Variants in SGCZ observed in about 807,000 individuals in gnomAD.
The protein encoded by SGCZ is zeta-sarcoglycan.
A neutral mutation model predicts 41.3 loss-of-function variants in SGCZ; 40 were observed. That is an observed-to-expected ratio of 0.97 (90% CI 0.75 to 1.26). The LOEUF is 1.26. SGCZ is among the 50% of genes most tolerant of loss of function. SGCZ has a pLI of 0.00. For missense variants in SGCZ, 552 were observed against 369.8 expected (o/e 1.49, Z -4.04); for synonymous variants, 206 against 137.5 (o/e 1.50, Z -3.49).
rs568037311 is a variant in SGCZ, at chr8:14,147,311, T to G, written c.547+17269A>C. On this transcript the variant is annotated intron_variant, in intron 5 of 7. Transcript: ENST00000382080. ...AAACAGGACCCAATGATCTATTGCCTCCAAGAAACACACTTGACCTATAAA... is the reference window on the plus strand; with the variant it reads ...AAACAGGACCCAATGATCTATTGCCGCCAAGAAACACACTTGACCTATAAA... 2.6e-5 allele frequency among the ~76,000 whole-genome samples: 4 copies of G among 152,048 alleles called. No individual in the cohort carries two copies. The East Asian group carries it at 7.8e-4, about 30-fold the overall frequency.
intron 2 of SGCZ, among the ~76,000 whole-genome samples, chr8:14,383,115 A>G (rs1321758618): frequency 2.6e-5 from 4 of 152,194 alleles, no homozygotes; most frequent in Non-Finnish European, 4.4e-5. Flanking sequence ...TGGCCCAGCC[A>G]TTCACCAAAT....
intron 2 of SGCZ, among the ~76,000 whole-genome samples, chr8:14,480,255 A>G (rs1371884476): frequency 6.6e-6 from 1 of 152,206 alleles, no homozygotes; most frequent in African/African-American, 2.4e-5. Context: ...AATATATTCT[A>G]GTACATTACA....
At chr8:15,156,453 T>C (rs1451963290) in intron 1 of SGCZ, among the ~76,000 whole-genome samples, 1 of 152,222 alleles carries the variant, frequency 6.6e-6, no homozygotes, top group African/African-American at 2.4e-5. Flanking sequence ...GAAATCACTC[T>C]TGGATAGAAT....
chr8:15,215,971 T>C (rs1801385834), intron 1 of SGCZ, among the ~76,000 whole-genome samples: 1 of 152,184 alleles, frequency 6.6e-6, no homozygotes, highest in South Asian at 2.1e-4. Context: ...TCCTTGTTGG[T>C]TGCCTGACAC....
At chr8:14,756,722 C>T (rs972036797) in intron 1 of SGCZ, among the ~76,000 whole-genome samples, 2 of 152,024 alleles carry the variant, frequency 1.3e-5, no homozygotes, top group Admixed American at 1.3e-4. Context: ...ACATATTTTG[C>T]ATTAAAAAAT....
At chr8:14,287,434 C>G (rs1437332112) in intron 3 of SGCZ, among the ~76,000 whole-genome samples, 1 of 144,166 alleles carries the variant, frequency 6.9e-6, no homozygotes, top group Non-Finnish European at 1.5e-5. Context: ...TTACCGATTT[C>G]TGTCTGGTGG....
At chr8:14,793,529 G>A (rs909390758) in intron 1 of SGCZ, among the ~76,000 whole-genome samples, 3 of 152,166 alleles carry the variant, frequency 2.0e-5, no homozygotes, top group Non-Finnish European at 2.9e-5. Context: ...CTCAAAAGGT[G>A]GTAGATAGAA....
intron 3 of SGCZ, among the ~76,000 whole-genome samples, chr8:14,318,646 G>A (rs923263990): frequency 5.3e-5 from 8 of 151,796 alleles, no homozygotes; most frequent in Non-Finnish European, 7.4e-5. Context: ...TAAGAACCAC[G>A]GAATTAAAAT....
At chr8:14,830,159 G>T (rs567283720) in intron 1 of SGCZ, among the ~76,000 whole-genome samples, 1 of 152,044 alleles carries the variant, frequency 6.6e-6, no homozygotes, top group African/African-American at 2.4e-5. Context: ...TGTAAAAATT[G>T]AATTAAAAAT....
At position 14,099,951 on chromosome 8, in the gene SGCZ, T is replaced by G. The variant is rs934506835; in HGVS notation, c.744+2425A>C. Among the ~76,000 whole-genome samples the G allele has an allele frequency of 1.0e-4, 6 of 57,828 alleles. No homozygotes were observed. The South Asian group carries it at 2.4e-3, about 23-fold the overall frequency. 37.9% of individuals were successfully genotyped at this position (57,828 alleles called of 152,430 possible). On this transcript the variant is annotated intron_variant, in intron 7 of 7. Transcript: ENST00000382080. ...ATTTCATTCTTCTACATTTCATCCA[T>G]CATTTCATCCATCATTTTAGATACC...
intron 1 of SGCZ, among the ~76,000 whole-genome samples, chr8:14,838,096 G>A (rs1440763363): frequency 6.6e-6 from 1 of 152,118 alleles, no homozygotes; most frequent in Non-Finnish European, 1.5e-5. Flanking sequence ...GGCACAGAAA[G>A]TTAAATCTCA....
At chr8:14,952,368 C>G (rs1800668111) in intron 1 of SGCZ, among the ~76,000 whole-genome samples, 2 of 151,836 alleles carry the variant, frequency 1.3e-5, no homozygotes, top group African/African-American at 4.8e-5. Flanking sequence ...ATTTTAGGTT[C>G]AGCGGATACC....
intron 2 of SGCZ, among the ~76,000 whole-genome samples, chr8:14,454,534 G>C (rs976962839): frequency 6.6e-6 from 1 of 151,916 alleles, no homozygotes; most frequent in Admixed American, 6.6e-5. Flanking sequence ...CTATATTAGG[G>C]AGTTAAAAAA....
chr8:14,646,110 T>A (rs1807205913), intron 1 of SGCZ, among the ~76,000 whole-genome samples: 1 of 151,914 alleles, frequency 6.6e-6, no homozygotes, highest in African/African-American at 2.4e-5. Context: ...GTCAGTCACA[T>A]GGTTATACCG....
chr8:14,178,721 T>G (rs535871559), intron 4 of SGCZ, among the ~76,000 whole-genome samples: 1 of 152,368 alleles, frequency 6.6e-6, no homozygotes, highest in Non-Finnish European at 1.5e-5. Flanking sequence ...TAACTTGGAA[T>G]GATGACTAGT....
At chr8:15,022,035 C>T (rs1363052443) in intron 1 of SGCZ, among the ~76,000 whole-genome samples, 2 of 152,160 alleles carry the variant, frequency 1.3e-5, no homozygotes, top group Non-Finnish European at 2.9e-5. Context: ...TGTAATAATG[C>T]TATAAACTGG....
At chr8:15,120,224 T>C (rs1245921638) in intron 1 of SGCZ, among the ~76,000 whole-genome samples, 1 of 152,228 alleles carries the variant, frequency 6.6e-6, no homozygotes, top group East Asian at 1.9e-4. Context: ...ATTTAAAAAC[T>C]CCTACAGTTT....
At chr8:14,726,322 AT>A (rs1563228541) in intron 1 of SGCZ, among the ~76,000 whole-genome samples, 9 of 126,954 alleles carry the variant, frequency 7.1e-5, no homozygotes, top group African/African-American at 2.9e-4. Context: ...ATATATATAT[AT>A]CTATATATAT....
chr8:14,642,456 GTTACTATATGTAAGGTAAC>G (rs1807058733), intron 1 of SGCZ, among the ~76,000 whole-genome samples: 1 of 151,324 alleles, frequency 6.6e-6, no homozygotes, highest in South Asian at 2.1e-4. Flanking sequence ...GTTATAGAGA[GTTACTATATGTAAGGTAAC>G]TTACTATATG....
Sources: allele counts gnomAD v4.1 joint callset (sites outside exome capture counted in the v4.1 genomes callset), GRCh38; gene constraint gnomAD v4.1.1; transcripts MANE v1.5; gene names NCBI Gene and HGNC (gene_info 2026-07-23, HGNC 2026-07-21).